Variants in UCK2 observed in about 807,000 individuals in gnomAD.
The protein encoded by UCK2 is cytidine monophosphokinase 2.
Under a neutral mutation model 30.8 loss-of-function variants are expected in UCK2, and 6 were observed. The observed-to-expected ratio is 0.19, with a 90% confidence interval of 0.11 to 0.38. UCK2 has a LOEUF of 0.38. UCK2 is among the 10% of genes least tolerant of loss of function. The pLI, the probability that UCK2 is intolerant of heterozygous loss-of-function variation, is 1.00. For missense variants in UCK2, 210 were observed against 339.8 expected (o/e 0.62, Z 3.00); for synonymous variants, 125 against 133.6 (o/e 0.94, Z 0.45).
chr1:165,829,242 C>T (rs1055370941), intron 1 of UCK2, among the ~76,000 whole-genome samples: 1 of 152,160 alleles, frequency 6.6e-6, no homozygotes, highest in African/African-American at 2.4e-5. Flanking sequence ...GTTCTGTGTG[C>T]TCCCTGGTTG....
At chr1:165,869,801 G>A (rs1298033268) in intron 1 of UCK2, among the ~76,000 whole-genome samples, 2 of 151,554 alleles carry the variant, frequency 1.3e-5, no homozygotes, top group Admixed American at 6.6e-5. Flanking sequence ...GATTATAGGC[G>A]TGAGCCACCA....
At chr1:165,897,444 C>T (rs1269429790) in intron 4 of UCK2, among the ~76,000 whole-genome samples, 4 of 151,776 alleles carry the variant, frequency 2.6e-5, no homozygotes, top group Non-Finnish European at 5.9e-5. Context: ...GAGTTAGAAT[C>T]GACCAGGACC....
chr1:165,858,748 T>G (rs1654816930), intron 1 of UCK2, among the ~76,000 whole-genome samples: 1 of 151,990 alleles, frequency 6.6e-6, no homozygotes, highest in East Asian at 1.9e-4. Context: ...CTTCCCAATC[T>G]CTGAGAAGAT....
chr1:165,907,659 C>T (rs1032301474), intron 6 of UCK2, 25 bp from the exon 7 acceptor site: 18 of 1,612,636 alleles, frequency 1.1e-5, no homozygotes, highest in East Asian at 2.2e-5. Flanking sequence ...GCACCCGTAA[C>T]GCTCTGCTGG....
intron 1 of UCK2, among the ~76,000 whole-genome samples, chr1:165,888,355 G>T (rs1446298121): frequency 6.6e-6 from 1 of 151,722 alleles, no homozygotes; most frequent in East Asian, 1.9e-4. Context: ...TACATGGCAC[G>T]ATCTCAGCTG....
At chr1:165,842,522 T>G (rs1654355716) in intron 1 of UCK2, among the ~76,000 whole-genome samples, 1 of 152,184 alleles carries the variant, frequency 6.6e-6, no homozygotes, top group Admixed American at 6.5e-5. Flanking sequence ...CTGTCACTCC[T>G]GCACTTCCAC....
rs1339552872 is a variant in UCK2, at chr1:165,848,652, A to ACC, written c.99+20721_99+20722insCC. On this transcript the variant is annotated intron_variant, in intron 1 of 6. Transcript: ENST00000367879. ...TTGTCTCCAAACAAAACACACACACACACACACCCACACACACACACACAC... is the reference window on the plus strand; with the variant it reads ...TTGTCTCCAAACAAAACACACACACACCCACACACCCACACACACACACACAC... Among the ~76,000 whole-genome samples, 9 of 151,298 alleles carry ACC rather than the reference A, an allele frequency of 5.9e-5. No individual in the cohort carries two copies. In the East Asian group the frequency reaches 1.5e-3, roughly 26 times the overall value.
intron 1 of UCK2, among the ~76,000 whole-genome samples, chr1:165,871,380 G>A (rs1454490597): frequency 6.6e-6 from 1 of 152,174 alleles, no homozygotes; most frequent in South Asian, 2.1e-4. Context: ...TGATCCCTTA[G>A]CATGTGTGCA....
chr1:165,871,396 G>A lies in UCK2; in HGVS notation c.100-18808G>A, dbSNP rs546105323. On this transcript the variant is annotated intron_variant, in intron 1 of 6. Coordinates refer to ENST00000367879, the MANE Select transcript of UCK2 (RefSeq NM_012474.5). ...GATCCCTTAGCATGTGTGCAGCTGTGGGCTAGAGGGTTGAAAGCAGGTCCT... is the reference window on the plus strand; with the variant it reads ...GATCCCTTAGCATGTGTGCAGCTGTAGGCTAGAGGGTTGAAAGCAGGTCCT... Among the ~76,000 whole-genome samples the A allele has an allele frequency of 5.3e-5, 8 of 152,256 alleles. No homozygotes were observed. In the South Asian group the frequency reaches 1.7e-3, roughly 32 times the overall value.
At chr1:165,844,148 G>A (rs2101853910) in intron 1 of UCK2, among the ~76,000 whole-genome samples, 1 of 152,278 alleles carries the variant, frequency 6.6e-6, no homozygotes, top group South Asian at 2.1e-4. Flanking sequence ...GGTGGGGCTG[G>A]CATTTAAACT....
At chr1:165,888,772 C>T (rs991686540) in intron 1 of UCK2, among the ~76,000 whole-genome samples, 5 of 151,522 alleles carry the variant, frequency 3.3e-5, no homozygotes, top group Non-Finnish European at 7.4e-5. Flanking sequence ...CATGGGCCAC[C>T]GTGCCCGGCA....
chr1:165,907,819 A>C lies in UCK2; in HGVS notation c.782A>C (p.His261Pro). 6.2e-7 allele frequency: 1 copy of C among 1,614,070 alleles called. No homozygotes were observed. The highest frequency in any genetic ancestry group is 8.5e-7 in the Non-Finnish European group (1 of 1,179,964). The change falls in exon 7 of 7, where the codon CAT becomes CCT. Residue 261 changes from histidine (H) to proline (P), a missense_variant. Coordinates refer to ENST00000367879, the MANE Select transcript of UCK2 (RefSeq NM_012474.5). ...GCATCGGAGTCCAGCAGCAGGCCGC[A>C]TTGACCCGTCTCCATCGGACCCCAG... The part of the protein sequence containing the change: ...RQASESSSRP[H>P]
At chr1:165,832,229 G>A (rs1654067821) in intron 1 of UCK2, among the ~76,000 whole-genome samples, 1 of 152,122 alleles carries the variant, frequency 6.6e-6, no homozygotes, top group Non-Finnish European at 1.5e-5. Flanking sequence ...TTTCCTTAAT[G>A]AGAATTATTT....
intron 1 of UCK2, among the ~76,000 whole-genome samples, chr1:165,888,462 T>C (rs1655677909): frequency 6.6e-6 from 1 of 151,992 alleles, no homozygotes; most frequent in Non-Finnish European, 1.5e-5. Context: ...TGGCTAATTT[T>C]TGTATTTTTA....
chr1:165,873,394 A>G (rs1655252025), intron 1 of UCK2, among the ~76,000 whole-genome samples: 1 of 152,218 alleles, frequency 6.6e-6, no homozygotes, highest in Non-Finnish European at 1.5e-5. Flanking sequence ...AATGCTTGCC[A>G]AAATGGTAGC....
At chr1:165,905,798 T>G (rs935748885) in intron 5 of UCK2, 123 bp from the exon 6 acceptor site, 15 of 738,908 alleles carry the variant, frequency 2.0e-5, no homozygotes, top group Non-Finnish European at 3.4e-5. Flanking sequence ...TTTGAAGCCT[T>G]AAAAGGTGCT....
At chr1:165,842,989 C>T (rs1654368018) in intron 1 of UCK2, among the ~76,000 whole-genome samples, 1 of 152,192 alleles carries the variant, frequency 6.6e-6, no homozygotes, top group South Asian at 2.1e-4. Flanking sequence ...TTTGTGTGGT[C>T]ACTTTTACTC....
At position 165,910,228 on chromosome 1, in the gene UCK2, C is replaced by G. The variant is rs573865150; in HGVS notation, c.*2405C>G. ...GTGGCAGCCCAGCATTTGGCCAACT[C>G]TGTATCTGAACTTGAGCTTTCTATG... is the stretch of plus-strand genomic sequence containing the variant. On this transcript the variant is annotated 3_prime_UTR_variant, in exon 7 of 7. Coordinates refer to ENST00000367879, the MANE Select transcript of UCK2 (RefSeq NM_012474.5). 1.9e-4 allele frequency: 29 copies of G among 152,376 alleles called. No homozygotes were observed. Among genetic ancestry groups the G allele is most frequent in the African/African-American group, 6.5e-4 (27 of 41,582 alleles). 9.4% of individuals were successfully genotyped at this position (152,376 alleles called of 1,614,324 possible).
chr1:165,885,113 G>A (rs1655586242), intron 1 of UCK2: 2 of 350,516 alleles, frequency 5.7e-6, no homozygotes, highest in Admixed American at 4.8e-5. Context: ...TTCCCTCCCT[G>A]TCTCCCTTCC....
Sources: gnomAD v4.1 joint callset for allele counts (sites outside exome capture counted in the v4.1 genomes callset) on GRCh38, gnomAD v4.1.1 for gene constraint, MANE v1.5 for transcripts, NCBI Gene and HGNC (gene_info 2026-07-23, HGNC 2026-07-21) for gene names.